The following MRAS variants were observed in gnomAD, a reference collection of about 807,000 sequenced individuals.
MRAS encodes the protein ras-related protein M-Ras.
A neutral mutation model predicts 20.9 loss-of-function variants in MRAS; 4 were observed. The observed-to-expected ratio is 0.19, with a 90% CI of 0.09 to 0.44. MRAS has a LOEUF of 0.44. MRAS is among the 20% of genes least tolerant of loss of function. MRAS has a pLI of 0.99. For synonymous variants in MRAS, 98 were observed against 102.9 expected (o/e 0.95, Z 0.29); for missense variants, 154 against 277.5 (o/e 0.56, Z 3.16).
chr3:138,351,182 C>G (rs2054219581), intron 1 of MRAS, among the ~76,000 whole-genome samples: 1 of 152,176 alleles, frequency 6.6e-6, no homozygotes, highest in African/African-American at 2.4e-5. Flanking sequence ...CCATTGTAAT[C>G]TGTTCTGCCA....
intron 5 of MRAS, among the ~76,000 whole-genome samples, 200 bp from the exon 6 acceptor site, chr3:138,401,970 C>G (rs546829392): frequency 6.6e-6 from 1 of 152,262 alleles, no homozygotes; most frequent in East Asian, 1.9e-4. Context: ...TGCATTGCCT[C>G]AAGAGAAGCT....
chr3:138,370,982 A>G (rs1199335), intron 1 of MRAS, among the ~76,000 whole-genome samples: 128,674 of 152,140 alleles, frequency 0.85, 54,630 homozygotes, highest in East Asian at 0.97. Context: ...AAATGACTGC[A>G]TAGTACTCCA....
At chr3:138,382,993 C>T (rs1334339293) in intron 2 of MRAS, among the ~76,000 whole-genome samples, 2 of 152,224 alleles carry the variant, frequency 1.3e-5, no homozygotes, top group African/African-American at 2.4e-5. Context: ...GCTCCCCACA[C>T]CCTGGCTCCG....
intron 1 of MRAS, among the ~76,000 whole-genome samples, chr3:138,353,422 CTT>C (rs1362554233): frequency 2.0e-5 from 3 of 152,116 alleles, no homozygotes; most frequent in Non-Finnish European, 2.9e-5. Flanking sequence ...AGGGGTGTGT[CTT>C]TGACTTCACC....
At chr3:138,398,629 C>A in intron 4 of MRAS, 61 bp downstream of exon 4, 1 of 1,425,726 alleles carries the variant, frequency 7.0e-7, no homozygotes, top group Non-Finnish European at 9.9e-7. Context: ...AGCCTGGTCA[C>A]CCCTGCAGTC....
At chr3:138,398,591 AG>A (rs774163955) in intron 4 of MRAS, 23 bp downstream of exon 4, 1 of 1,606,004 alleles carries the variant, frequency 6.2e-7, no homozygotes, top group South Asian at 1.1e-5. Flanking sequence ...GTGTGTGTAG[AG>A]GGGGTCAGGA....
intron 2 of MRAS, among the ~76,000 whole-genome samples, chr3:138,389,881 T>C (rs2108548399): frequency 6.6e-6 from 1 of 152,082 alleles, no homozygotes; most frequent in South Asian, 2.1e-4. Flanking sequence ...TACCCTGGGC[T>C]ATGGGCCACT....
intron 1 of MRAS, among the ~76,000 whole-genome samples, chr3:138,362,826 T>G (rs2054476968): frequency 6.6e-6 from 1 of 152,054 alleles, no homozygotes; most frequent in Non-Finnish European, 1.5e-5. Context: ...GAAGATCCCT[T>G]GTTTCCAGGG....
At chr3:138,363,832 C>A (rs1045036429) in intron 1 of MRAS, among the ~76,000 whole-genome samples, 4 of 123,800 alleles carry the variant, frequency 3.2e-5, no homozygotes, top group South Asian at 3.3e-4. Context: ...CCCCCCCCCC[C>A]CCAAACCACA....
chr3:138,402,366 T>G lies in MRAS; in HGVS notation c.*97T>G. On this transcript the variant is annotated 3_prime_UTR_variant, in exon 6 of 6. Coordinates refer to ENST00000423968, the MANE Select transcript of MRAS (RefSeq NM_001085049.3). ...TGAAACCATTTCTAACCACAACCCT[T>G]GGCCCAAGGACTTGGTACAGGAAGG... 9.3e-7 allele frequency: 1 copy of G among 1,070,698 alleles called. No individual in the cohort carries two copies. The highest frequency in any genetic ancestry group is 1.4e-6 in the Non-Finnish European group (1 of 721,720). The allele number at this position is 1,070,698 out of a possible 1,614,324, so 66.3% of individuals were successfully genotyped here. A position where few individuals can be genotyped will look rare whatever the true frequency, so the allele number is the denominator to read the frequency against.
At chr3:138,350,982 C>CTTGGGGTTGGT (rs553725108) in intron 1 of MRAS, among the ~76,000 whole-genome samples, 62 of 151,602 alleles carry the variant, frequency 4.1e-4, no homozygotes, top group African/African-American at 1.3e-3. Context: ...GTCAGTTACC[C>CTTGGGGTTGGT]TTGGGGTTGG....
intron 2 of MRAS, among the ~76,000 whole-genome samples, chr3:138,394,969 G>C (rs902179037): frequency 6.6e-6 from 1 of 152,136 alleles, no homozygotes; most frequent in Non-Finnish European, 1.5e-5. Flanking sequence ...GTCTTGCTCT[G>C]TTTTCCCCAG....
chr3:138,394,387 G>A (rs900150335), intron 2 of MRAS, among the ~76,000 whole-genome samples: 2 of 152,170 alleles, frequency 1.3e-5, no homozygotes, highest in African/African-American at 4.8e-5. Flanking sequence ...TCCATCACTG[G>A]CCCCTCTGAA....
At chr3:138,388,259 A>G (rs2055058120) in intron 2 of MRAS, among the ~76,000 whole-genome samples, 1 of 152,152 alleles carries the variant, frequency 6.6e-6, no homozygotes, top group Admixed American at 6.5e-5. Flanking sequence ...AAAATAGTAA[A>G]CACCCCTCAT....
intron 1 of MRAS, among the ~76,000 whole-genome samples, chr3:138,360,589 C>T (rs890709822): frequency 2.6e-5 from 4 of 152,302 alleles, no homozygotes; most frequent in East Asian, 1.9e-4. Flanking sequence ...CTGGTGCCCA[C>T]GGGTGTCCAG....
At chr3:138,376,726 T>TTTAACTGAGTATATACTGA (rs2054790033) in intron 2 of MRAS, among the ~76,000 whole-genome samples, 3 of 152,224 alleles carry the variant, frequency 2.0e-5, no homozygotes, top group African/African-American at 7.2e-5. Flanking sequence ...GTTAAATAAA[T>TTTAACTGAGTATATACTGA]GTAAACAAGT....
chr3:138,398,554 G>T lies in MRAS; in HGVS notation c.433G>T (p.Ala145Ser). The T allele has an allele frequency of 6.2e-7, 1 of 1,614,132 alleles. No homozygotes were observed. Among genetic ancestry groups the T allele is most frequent in the South Asian group, 1.1e-5 (1 of 91,074 alleles). The stretch of plus-strand genomic sequence containing the variant: ...CACCAGGGAGCAAGGAAAAGAAATG[G>T]CGACCAAACACAATGTAGGTGTGTG... The part of the protein sequence containing the change: ...KITREQGKEM[A>S]TKHNIPYIET... Residue 145 changes from alanine (A) to serine (S), a missense_variant, in exon 4 of 6, where the codon GCG (alanine) becomes TCG (serine). Coordinates refer to ENST00000423968, the MANE Select transcript of MRAS (RefSeq NM_001085049.3).
intron 2 of MRAS, among the ~76,000 whole-genome samples, chr3:138,392,972 G>A (rs1460430105): frequency 6.6e-6 from 1 of 152,062 alleles, no homozygotes; most frequent in Non-Finnish European, 1.5e-5. Flanking sequence ...GAAGTTTGAG[G>A]TGTTGCTTAG....
chr3:138,384,855 T>A (rs966673558), intron 2 of MRAS, among the ~76,000 whole-genome samples: 14 of 152,060 alleles, frequency 9.2e-5, no homozygotes, highest in African/African-American at 2.4e-4. Context: ...GTGAAGAAGG[T>A]GCTTCACAAA....
Sources: gnomAD v4.1 joint callset for allele counts (sites outside exome capture counted in the v4.1 genomes callset) on GRCh38, gnomAD v4.1.1 for gene constraint, MANE v1.5 for transcripts, NCBI Gene and HGNC (gene_info 2026-07-23, HGNC 2026-07-21) for gene names.